Variants in SHC3 observed in about 807,000 individuals in gnomAD.
SHC3 encodes the protein SHC adaptor protein 3.
A neutral mutation model predicts 60.4 loss-of-function variants in SHC3; 15 were observed. That is an observed-to-expected ratio of 0.25 (90% CI 0.17 to 0.38). SHC3 has a LOEUF of 0.38. Ranked by LOEUF, SHC3 falls within the 10% of genes least tolerant of loss-of-function variation. The pLI is 1.00. For missense variants in SHC3, 677 were observed against 786.1 expected, an observed-to-expected ratio of 0.86 and a Z score of 1.66; for synonymous variants, 294 against 325.9, an observed-to-expected ratio of 0.90 and a Z score of 1.05.
chr9:89,073,874 A>G (rs1825313060), intron 4 of SHC3, among the ~76,000 whole-genome samples: 1 of 152,228 alleles, frequency 6.6e-6, no homozygotes, highest in African/African-American at 2.4e-5. Flanking sequence ...AGCCCAGCCA[A>G]CAAGCCTTCA....
chr9:89,103,883 C>T (rs1825818208), intron 2 of SHC3, among the ~76,000 whole-genome samples: 1 of 152,094 alleles, frequency 6.6e-6, no homozygotes, highest in Admixed American at 6.5e-5. Context: ...AAACCTACTA[C>T]CAGAGGCTGC....
intron 2 of SHC3, among the ~76,000 whole-genome samples, chr9:89,108,350 C>CAA (rs147186310): frequency 0.012 from 1,727 of 144,202 alleles, 14 homozygotes; most frequent in Non-Finnish European, 0.019. Context: ...CCACCTCTAC[C>CAA]AAAAAAAAAA....
At chr9:89,032,968 C>T (rs76542982) in intron 11 of SHC3, among the ~76,000 whole-genome samples, 2,666 of 151,938 alleles carry the variant, frequency 0.018, 31 homozygotes, top group South Asian at 0.029. Context: ...TCAGCTAAAG[C>T]TGTCCTCCAT....
rs141642875 is a variant in SHC3 at position 89,158,523 on chromosome 9, G to A, written c.474+19464C>T. On this transcript the variant is annotated intron_variant, in intron 1 of 11. Coordinates refer to ENST00000375835, the MANE Select transcript of SHC3 (RefSeq NM_016848.6). ...TTTGTGGAAGGCTCTATGTATGTCCGTTAGATCCTGTTGGTTGATTATTTT... is the reference window on the plus strand; with the variant it reads ...TTTGTGGAAGGCTCTATGTATGTCCATTAGATCCTGTTGGTTGATTATTTT... Among the ~76,000 whole-genome samples the A allele has an allele frequency of 3.7e-3, 562 of 152,188 alleles. 2 individuals carry two copies. The highest frequency in any genetic ancestry group is 0.013 in the African/African-American group (521 of 41,538).
At chr9:89,114,463 T>C (rs1825994142) in intron 1 of SHC3, among the ~76,000 whole-genome samples, 1 of 151,922 alleles carries the variant, frequency 6.6e-6, no homozygotes, top group African/African-American at 2.4e-5. Flanking sequence ...GTAGTGCAAA[T>C]AAACAATATA....
chr9:89,128,690 G>C (rs1031010286), intron 1 of SHC3, among the ~76,000 whole-genome samples: 1 of 152,182 alleles, frequency 6.6e-6, no homozygotes, highest in Admixed American at 6.5e-5. Flanking sequence ...TGAGGGTCTT[G>C]ACTGTTAGAA....
chr9:89,050,709 C>A (rs1279013207), intron 7 of SHC3, among the ~76,000 whole-genome samples: 1 of 151,984 alleles, frequency 6.6e-6, no homozygotes, highest in Non-Finnish European at 1.5e-5. Context: ...TTTTTTATTT[C>A]ATTATAAATT....
intron 1 of SHC3, among the ~76,000 whole-genome samples, chr9:89,163,600 G>A (rs1347018663): frequency 5.4e-5 from 6 of 110,300 alleles, no homozygotes; most frequent in Admixed American, 3.2e-4. Context: ...GTTGTGGGGT[G>A]GGGGGAGGGG....
chr9:89,153,641 C>T (rs1379242544), intron 1 of SHC3, among the ~76,000 whole-genome samples: 1 of 152,258 alleles, frequency 6.6e-6, no homozygotes, highest in Non-Finnish European at 1.5e-5. Context: ...AAGTCTCAAC[C>T]TCCTGTCCAC....
intron 1 of SHC3, among the ~76,000 whole-genome samples, chr9:89,126,823 T>C (rs765416333): frequency 1.6e-4 from 24 of 152,162 alleles, no homozygotes; most frequent in Non-Finnish European, 2.9e-5. Flanking sequence ...GTTTGTGCTA[T>C]GAAAGAGGGG....
chr9:89,082,709 T>C (rs1825464900), intron 2 of SHC3, among the ~76,000 whole-genome samples: 1 of 152,150 alleles, frequency 6.6e-6, no homozygotes, highest in South Asian at 2.1e-4. Flanking sequence ...AGCCCTCCCT[T>C]GAACTGTTGG....
At chr9:89,080,136 C>G (rs996407261) in intron 2 of SHC3, among the ~76,000 whole-genome samples, 7 of 152,260 alleles carry the variant, frequency 4.6e-5, no homozygotes, top group African/African-American at 1.4e-4. Flanking sequence ...AAGTGTAGTA[C>G]GTTTTGGTAA....
At chr9:89,138,436 C>T (rs967199321) in intron 1 of SHC3, among the ~76,000 whole-genome samples, 2 of 152,144 alleles carry the variant, frequency 1.3e-5, no homozygotes, top group African/African-American at 4.8e-5. Flanking sequence ...CCATGGCATT[C>T]GTGAACTGTC....
intron 2 of SHC3, 75 bp downstream of exon 2, chr9:89,112,481 A>G (rs1825963339): frequency 4.6e-6 from 7 of 1,524,740 alleles, no homozygotes; most frequent in Middle Eastern, 3.4e-4. Context: ...TCTTCTAAAA[A>G]TGTGTCAGCT....
intron 1 of SHC3, among the ~76,000 whole-genome samples, chr9:89,171,854 G>A (rs1353215031): frequency 1.3e-5 from 2 of 152,158 alleles, no homozygotes; most frequent in African/African-American, 4.8e-5. Context: ...AGATGGCAGT[G>A]GTATCTGCCA....
At chr9:89,121,303 T>C (rs1435835359) in intron 1 of SHC3, among the ~76,000 whole-genome samples, 1 of 152,146 alleles carries the variant, frequency 6.6e-6, no homozygotes, top group South Asian at 2.1e-4. Context: ...TTTTTTTTTT[T>C]TCTTGAGATG....
intron 6 of SHC3, among the ~76,000 whole-genome samples, chr9:89,059,678 TGGTGGTGG>T (rs1825039496): frequency 4.7e-4 from 16 of 34,366 alleles, no homozygotes; most frequent in South Asian, 2.2e-3. Flanking sequence ...TGGTGGAGGA[TGGTGGTGG>T]AGGATGGTGG....
At chr9:89,093,351 T>C (rs1825653464) in intron 2 of SHC3, among the ~76,000 whole-genome samples, 1 of 152,078 alleles carries the variant, frequency 6.6e-6, no homozygotes, top group South Asian at 2.1e-4. Context: ...TCAGGGAGAT[T>C]TGGAAAAGGC....
intron 1 of SHC3, among the ~76,000 whole-genome samples, chr9:89,159,233 G>A (rs183791109): frequency 6.6e-6 from 1 of 152,280 alleles, no homozygotes; most frequent in East Asian, 1.9e-4. Context: ...ATTATTCTTA[G>A]GATAGGACAA....
Sources: allele counts gnomAD v4.1 joint callset (sites outside exome capture counted in the v4.1 genomes callset), GRCh38; gene constraint gnomAD v4.1.1; transcripts MANE v1.5; gene names NCBI Gene and HGNC (gene_info 2026-07-23, HGNC 2026-07-21).